The following NLGN1 variants were observed in gnomAD, a reference collection of about 807,000 sequenced individuals.
NLGN1 encodes the protein neuroligin-1.
NLGN1 carries 12 observed loss-of-function variants against 65.5 expected under a neutral mutation model. The observed-to-expected ratio is 0.18, with a 90% CI of 0.12 to 0.30. NLGN1 has a LOEUF of 0.30. Among genes scored for constraint, NLGN1 ranks in the 10% least tolerant of loss-of-function variants. The pLI, the probability that NLGN1 is intolerant of heterozygous loss-of-function variation, is 1.00. For missense variants in NLGN1, 750 were observed against 1,007.1 expected, an observed-to-expected ratio of 0.74 and a Z score of 3.46; for synonymous variants, 350 against 359.5, an observed-to-expected ratio of 0.97 and a Z score of 0.30.
rs1021055951 is a variant in NLGN1, at chr3:173,562,729, C to G, written c.-320-41550C>G. On this transcript the variant is annotated intron_variant, in intron 2 of 6. Transcript: ENST00000457714. ...ATCTCGACATTTAAGATACAACATT[C>G]AACTGATCTGAAGTTCAATTACTGG... Among the ~76,000 whole-genome samples the G allele has an allele frequency of 7.2e-5, 11 of 152,256 alleles. No homozygotes were observed. The East Asian group carries it at 1.5e-3, about 21-fold the overall frequency.
At chr3:174,081,591 T>A (rs539267297) in intron 4 of NLGN1, among the ~76,000 whole-genome samples, 3 of 140,964 alleles carry the variant, frequency 2.1e-5, no homozygotes, top group African/African-American at 8.4e-5. Flanking sequence ...AATTAGTGAT[T>A]AGGTTGTTTT....
chr3:173,736,557 CA>C (rs1773784606), intron 3 of NLGN1, among the ~76,000 whole-genome samples: 1 of 151,716 alleles, frequency 6.6e-6, no homozygotes, highest in South Asian at 2.1e-4. Flanking sequence ...TATTTCTGAA[CA>C]AAAATTGTTC....
At chr3:173,490,474 C>G (rs1387762595) in intron 2 of NLGN1, among the ~76,000 whole-genome samples, 1 of 152,100 alleles carries the variant, frequency 6.6e-6, no homozygotes, top group African/African-American at 2.4e-5. Flanking sequence ...GGTACCAGTA[C>G]CATGCTGTTT....
chr3:174,084,889 A>G (rs1244765668), intron 4 of NLGN1, among the ~76,000 whole-genome samples: 3 of 152,052 alleles, frequency 2.0e-5, no homozygotes, highest in Admixed American at 6.5e-5. Context: ...TTTAAAAACT[A>G]AACACGAAAC....
At chr3:173,573,058 C>T (rs1744906838) in intron 2 of NLGN1, among the ~76,000 whole-genome samples, 1 of 152,180 alleles carries the variant, frequency 6.6e-6, no homozygotes, top group Non-Finnish European at 1.5e-5. Context: ...ACTGTCCATT[C>T]CATTTGTATT....
At chr3:173,832,244 A>G (rs6445120) in intron 4 of NLGN1, among the ~76,000 whole-genome samples, 129,249 of 152,084 alleles carry the variant, frequency 0.85, 55,791 homozygotes, top group African/African-American at 0.93. Flanking sequence ...GACTACAGGC[A>G]TGATCCACTG....
chr3:173,564,147 A>G (rs562190061), intron 2 of NLGN1, among the ~76,000 whole-genome samples: 1 of 152,290 alleles, frequency 6.6e-6, no homozygotes, highest in South Asian at 2.1e-4. Context: ...GGGCCTCTGC[A>G]CTCACTGTTC....
chr3:173,910,972 A>T (rs913345201), intron 4 of NLGN1: 2 of 152,212 alleles, frequency 1.3e-5, no homozygotes, highest in African/African-American at 4.8e-5. Context: ...ATTATTCATT[A>T]CATTTTCGTG....
intron 3 of NLGN1, among the ~76,000 whole-genome samples, chr3:173,619,301 A>T (rs1753625160): frequency 6.6e-6 from 1 of 152,178 alleles, no homozygotes; most frequent in Non-Finnish European, 1.5e-5. Context: ...TGAAAAAAAG[A>T]CATGTTGTAA....
intron 2 of NLGN1, among the ~76,000 whole-genome samples, chr3:173,568,315 C>CT (rs1341452462): frequency 6.6e-6 from 1 of 151,604 alleles, no homozygotes; most frequent in Non-Finnish European, 1.5e-5. Flanking sequence ...CTTACTGCAA[C>CT]TTTCGCCTCC....
chr3:173,945,008 A>C (rs1489062965), intron 4 of NLGN1, among the ~76,000 whole-genome samples: 1 of 152,122 alleles, frequency 6.6e-6, no homozygotes, highest in African/African-American at 2.4e-5. Context: ...TTACTGAATA[A>C]TTTGGACCTT....
At chr3:173,427,837 G>A (rs1180508984) in intron 1 of NLGN1, among the ~76,000 whole-genome samples, 1 of 150,680 alleles carries the variant, frequency 6.6e-6, no homozygotes, top group Non-Finnish European at 1.5e-5. Context: ...TTTTGGTCTG[G>A]AAACTCTATT....
chr3:173,777,639 A>G (rs200018693), intron 3 of NLGN1, among the ~76,000 whole-genome samples: 660 of 17,994 alleles, frequency 0.037, 4 homozygotes, highest in African/African-American at 0.056. Flanking sequence ...CTGTCTATCT[A>G]TCTATCTATC....
At chr3:173,632,806 CAG>C (rs1470040521) in intron 3 of NLGN1, among the ~76,000 whole-genome samples, 1 of 147,912 alleles carries the variant, frequency 6.8e-6, no homozygotes, top group Non-Finnish European at 1.5e-5. Context: ...TATAAATAGA[CAG>C]GATTTTAGAG....
chr3:173,419,022 T>TC (rs1253976585), intron 1 of NLGN1, among the ~76,000 whole-genome samples: 5 of 48,930 alleles, frequency 1.0e-4, no homozygotes, highest in South Asian at 8.4e-4. Context: ...TTCTTCTTCT[T>TC]TTTTTTTTTT....
intron 3 of NLGN1, among the ~76,000 whole-genome samples, chr3:173,639,340 G>T (rs1199116532): frequency 2.6e-5 from 4 of 152,148 alleles, no homozygotes; most frequent in Non-Finnish European, 5.9e-5. Context: ...GTCAATCAGT[G>T]GACTGAAGGG....
At chr3:173,850,945 A>G (rs899230619) in intron 4 of NLGN1, among the ~76,000 whole-genome samples, 2 of 151,720 alleles carry the variant, frequency 1.3e-5, no homozygotes, top group Non-Finnish European at 2.9e-5. Flanking sequence ...AAGTCTTGCC[A>G]TGTTGCCCAG....
At chr3:173,781,036 C>G (rs917505804) in intron 3 of NLGN1, among the ~76,000 whole-genome samples, 6 of 149,232 alleles carry the variant, frequency 4.0e-5, no homozygotes, top group Non-Finnish European at 7.4e-5. Flanking sequence ...CCCAGCTACT[C>G]GGGAGGCTGA....
At chr3:173,841,948 G>A (rs2150679823) in intron 4 of NLGN1, among the ~76,000 whole-genome samples, 1 of 152,264 alleles carries the variant, frequency 6.6e-6, no homozygotes, top group South Asian at 2.1e-4. Flanking sequence ...AAAGCAGCCT[G>A]TATTAGTCCA....
Sources: gnomAD v4.1 joint callset for allele counts (sites outside exome capture counted in the v4.1 genomes callset) on GRCh38, gnomAD v4.1.1 for gene constraint, MANE v1.5 for transcripts, NCBI Gene and HGNC (gene_info 2026-07-23, HGNC 2026-07-21) for gene names.